Variants in DCC observed in about 807,000 individuals in gnomAD.
The protein encoded by DCC is netrin receptor DCC.
In DCC, 58 loss-of-function variants were observed where a neutral mutation model predicts 172.5. That is an observed-to-expected ratio of 0.34 (90% CI 0.27 to 0.42). The LOEUF is 0.42. DCC is among the 10% of genes least tolerant of loss of function. The probability of loss-of-function intolerance (pLI) is 1.00; values close to 1 mark genes in which losing one functional copy is unlikely to be tolerated. For synonymous variants in DCC, 709 were observed against 644.5 expected (o/e 1.10, Z -1.52); for missense variants, 1,740 against 1,791.0 (o/e 0.97, Z 0.51).
At chr18:52,409,225 A>G (rs1459154988) in intron 1 of DCC, 1 of 152,130 alleles carries the variant, frequency 6.6e-6, no homozygotes, top group African/African-American at 2.4e-5. Flanking sequence ...CGTAAGAGCA[A>G]ACATATTGGC....
chr18:52,622,719 C>T (rs1026818236), intron 1 of DCC, among the ~76,000 whole-genome samples: 1 of 152,192 alleles, frequency 6.6e-6, no homozygotes, highest in African/African-American at 2.4e-5. Flanking sequence ...GACAACTATT[C>T]TATTAATAGA....
intron 2 of DCC, among the ~76,000 whole-genome samples, chr18:52,785,852 T>G (rs1432539118): frequency 1.3e-5 from 2 of 152,068 alleles, no homozygotes; most frequent in African/African-American, 4.8e-5. Context: ...CTTTCTAACT[T>G]CTCCTAAGCA....
chr18:53,116,698 G>A (rs1233780361), intron 7 of DCC, among the ~76,000 whole-genome samples: 1 of 151,640 alleles, frequency 6.6e-6, no homozygotes, highest in African/African-American at 2.4e-5. Flanking sequence ...TTTAAATCCA[G>A]TTCAATATCA....
intron 5 of DCC, among the ~76,000 whole-genome samples, chr18:52,937,087 T>A (rs2040392082): frequency 6.6e-6 from 1 of 152,144 alleles, no homozygotes. Flanking sequence ...TTTGAGGAAC[T>A]ACCAGATGGT....
intron 13 of DCC, among the ~76,000 whole-genome samples, chr18:53,306,604 G>A (rs1442855966): frequency 1.3e-5 from 2 of 152,178 alleles, no homozygotes; most frequent in Admixed American, 6.5e-5. Context: ...TTTCTCACTG[G>A]TTGAGTTCAC....
chr18:52,761,411 A>G (rs1358035902), intron 2 of DCC, among the ~76,000 whole-genome samples: 2 of 152,160 alleles, frequency 1.3e-5, no homozygotes, highest in Admixed American at 6.5e-5. Flanking sequence ...TTTGCCTATT[A>G]TTTGGTAGAG....
chr18:52,864,635 A>G (rs550180834), intron 2 of DCC, among the ~76,000 whole-genome samples: 58 of 151,114 alleles, frequency 3.8e-4, no homozygotes, highest in African/African-American at 1.4e-3. Context: ...CCATCAACCT[A>G]TCAACAACAA....
At chr18:53,249,610 C>A (rs959848128) in intron 12 of DCC, among the ~76,000 whole-genome samples, 3 of 151,830 alleles carry the variant, frequency 2.0e-5, no homozygotes, top group Admixed American at 1.3e-4. Flanking sequence ...GAACTGCCTA[C>A]CATCTAAGAC....
At chr18:52,911,807 C>T (rs2039974981) in intron 3 of DCC, among the ~76,000 whole-genome samples, 1 of 151,690 alleles carries the variant, frequency 6.6e-6, no homozygotes, top group Non-Finnish European at 1.5e-5. Flanking sequence ...AAAACTTTCT[C>T]TTATACCAGG....
chr18:52,876,674 G>A (rs11875949), intron 2 of DCC, among the ~76,000 whole-genome samples: 27 of 152,168 alleles, frequency 1.8e-4, no homozygotes, highest in Non-Finnish European at 3.2e-4. Context: ...ATGTACTTAT[G>A]AAGCCCATAA....
chr18:52,619,384 A>T (rs1275902506), intron 1 of DCC, among the ~76,000 whole-genome samples: 1 of 152,202 alleles, frequency 6.6e-6, no homozygotes, highest in African/African-American at 2.4e-5. Flanking sequence ...TGAAAACATT[A>T]AACTTGAACA....
At chr18:52,404,586 C>T (rs768982269) in intron 1 of DCC, among the ~76,000 whole-genome samples, 1 of 150,654 alleles carries the variant, frequency 6.6e-6, no homozygotes, top group Admixed American at 6.6e-5. Context: ...TAGCCCTTAT[C>T]CCTATATTGG....
chr18:52,698,229 A>G (rs2036045104), intron 1 of DCC, among the ~76,000 whole-genome samples: 1 of 152,354 alleles, frequency 6.6e-6, no homozygotes, highest in Middle Eastern at 3.4e-3. Context: ...ACTTTTGAAT[A>G]ATCTGAAATA....
Position 53,183,231 on chromosome 18 carries a change from T to G in DCC, c.1573+4115T>G, listed in dbSNP as rs532704932. On this transcript the variant is annotated intron_variant, in intron 9 of 28. Coordinates refer to ENST00000442544, the MANE Select transcript of DCC (RefSeq NM_005215.4). Reference sequence around the variant, plus strand: ...AACTGTTTCTAAAAGTGCATACATTTTGTAGTAATCATTTAAAGAGATCGA... The same window carrying G: ...AACTGTTTCTAAAAGTGCATACATTGTGTAGTAATCATTTAAAGAGATCGA... Among the ~76,000 whole-genome samples the G allele has an allele frequency of 4.6e-5, 7 of 152,270 alleles. No individual in the cohort carries two copies. In the South Asian group the frequency reaches 1.4e-3, roughly 32 times the overall value.
At chr18:53,032,487 T>A (rs1320969613) in intron 5 of DCC, among the ~76,000 whole-genome samples, 1 of 152,190 alleles carries the variant, frequency 6.6e-6, no homozygotes, top group African/African-American at 2.4e-5. Context: ...GAATTTTGAA[T>A]AAAAGTCTAA....
At chr18:52,836,884 A>C (rs758477585) in intron 2 of DCC, among the ~76,000 whole-genome samples, 1 of 152,220 alleles carries the variant, frequency 6.6e-6, no homozygotes, top group Admixed American at 6.5e-5. Flanking sequence ...GAAGTTCTCC[A>C]TAGGGCTCTG....
intron 12 of DCC, among the ~76,000 whole-genome samples, chr18:53,219,588 A>G (rs907241480): frequency 4.6e-5 from 7 of 152,048 alleles, no homozygotes; most frequent in African/African-American, 1.7e-4. Flanking sequence ...TTATTCTTGA[A>G]CACCAGATGC....
chr18:52,960,747 C>T (rs555414600), intron 5 of DCC, among the ~76,000 whole-genome samples: 19 of 152,218 alleles, frequency 1.2e-4, no homozygotes, highest in African/African-American at 3.9e-4. Flanking sequence ...CCCTCCAACA[C>T]GGTTACTCTC....
chr18:52,543,606 G>A (rs1310775763), intron 1 of DCC, among the ~76,000 whole-genome samples: 1 of 152,200 alleles, frequency 6.6e-6, no homozygotes, highest in Non-Finnish European at 1.5e-5. Context: ...TGGGATAATT[G>A]TGAAACCCTT....
Sources: allele counts gnomAD v4.1 joint callset (sites outside exome capture counted in the v4.1 genomes callset), GRCh38; gene constraint gnomAD v4.1.1; transcripts MANE v1.5; gene names NCBI Gene and HGNC (gene_info 2026-07-23, HGNC 2026-07-21).